MKLN1: variants seen among roughly 807,000 people sequenced by gnomAD.
MKLN1 encodes muskelin.
In MKLN1, 18 loss-of-function variants were observed where a neutral mutation model predicts 99.0. The ratio of observed to expected loss-of-function variants is 0.18; its 90% confidence interval spans 0.13 to 0.27. The LOEUF (loss-of-function observed/expected upper bound fraction) is 0.27, where lower values mean the gene tolerates loss of function less well. MKLN1 is among the 10% of genes least tolerant of loss of function. MKLN1 has a pLI of 1.00. For synonymous variants in MKLN1, 288 were observed against 293.2 expected (o/e 0.98, Z 0.18); for missense variants, 621 against 875.9 (o/e 0.71, Z 3.67).
chr7:131,453,205 A>G (rs1257029679), intron 12 of MKLN1, among the ~76,000 whole-genome samples: 1 of 152,256 alleles, frequency 6.6e-6, no homozygotes, highest in Admixed American at 6.5e-5. Flanking sequence ...AATGAGAATT[A>G]AAGTTCACAT....
intron 1 of MKLN1, among the ~76,000 whole-genome samples, chr7:131,113,875 C>G (rs1795234348): frequency 2.0e-5 from 3 of 151,928 alleles, no homozygotes; most frequent in African/African-American, 7.3e-5. Context: ...AGAGAGCTTG[C>G]GGGGGAAACT....
At chr7:131,353,941 G>A (rs184251085) in intron 1 of MKLN1, among the ~76,000 whole-genome samples, 1 of 145,998 alleles carries the variant, frequency 6.8e-6, no homozygotes, top group African/African-American at 2.5e-5. Flanking sequence ...GGGCATATAT[G>A]TGTGGGTCTT....
chr7:131,219,878 T>C (rs448337), intron 3 of MKLN1, among the ~76,000 whole-genome samples: 2 of 152,334 alleles, frequency 1.3e-5, no homozygotes, highest in East Asian at 1.9e-4. Context: ...CTTTTTTCCT[T>C]GTGTGTTTGG....
At chr7:131,308,131 C>A (rs1459892395) in intron 3 of MKLN1, among the ~76,000 whole-genome samples, 2 of 152,146 alleles carry the variant, frequency 1.3e-5, no homozygotes, top group Non-Finnish European at 2.9e-5. Context: ...TCTCCTCCTG[C>A]CTTGTGAAAA....
intron 3 of MKLN1, among the ~76,000 whole-genome samples, chr7:131,231,119 C>CAAAA (rs58048470): frequency 0.23 from 13,611 of 60,140 alleles, 2,737 homozygotes; most frequent in Non-Finnish European, 0.28. Flanking sequence ...GACTCTGTCT[C>CAAAA]AAAAAAAAAA....
At chr7:131,355,628 C>CTATA (rs58377694) in intron 1 of MKLN1, among the ~76,000 whole-genome samples, 3,313 of 136,868 alleles carry the variant, frequency 0.024, 74 homozygotes, top group African/African-American at 0.046. Flanking sequence ...TAACTTGATA[C>CTATA]TATATATATA....
intron 15 of MKLN1, among the ~76,000 whole-genome samples, chr7:131,468,846 CTG>C (rs1438160060): frequency 6.6e-6 from 1 of 152,110 alleles, no homozygotes; most frequent in African/African-American, 2.4e-5. Flanking sequence ...GGATATAGGA[CTG>C]TGGGTGTGTG....
chr7:131,164,869 C>T (rs1473709399), intron 2 of MKLN1, among the ~76,000 whole-genome samples: 2 of 152,168 alleles, frequency 1.3e-5, no homozygotes, highest in Non-Finnish European at 2.9e-5. Context: ...TTCAAGTCCA[C>T]AAACCTTTCT....
chr7:131,313,777 C>T (rs1007219477), intron 3 of MKLN1, among the ~76,000 whole-genome samples: 1 of 152,196 alleles, frequency 6.6e-6, no homozygotes, highest in African/African-American at 2.4e-5. Context: ...TCACTGAGCT[C>T]AGGGCAGAGC....
intron 16 of MKLN1, among the ~76,000 whole-genome samples, chr7:131,474,676 A>T (rs932875603): frequency 1.3e-5 from 2 of 152,256 alleles, no homozygotes; most frequent in Non-Finnish European, 2.9e-5. Flanking sequence ...AATAGGAAAC[A>T]AACAATGGAG....
chr7:131,276,959 C>T (rs947936682), intron 3 of MKLN1, among the ~76,000 whole-genome samples: 17 of 152,244 alleles, frequency 1.1e-4, no homozygotes, highest in African/African-American at 3.6e-4. Context: ...CCTCACTCCC[C>T]ACGTGGTTCA....
In MKLN1 at chr7:131,489,644, G is replaced by A. The variant is rs921279668; in HGVS notation, c.*1916G>A. ...CTAGTTTTGCTTAGTGTGAATTCTG[G>A]CACTTTAAAAAGATTAAGCAAGTGA... On this transcript the variant is annotated 3_prime_UTR_variant, in exon 18 of 18. Transcript: ENST00000352689. 87 of 152,030 alleles carry A rather than the reference G, an allele frequency of 5.7e-4. 1 individual carries two copies. Among genetic ancestry groups the A allele is most frequent in the Non-Finnish European group, 1.0e-4 (7 of 67,992 alleles). The allele number at this position is 152,030 out of a possible 1,614,324, so 9.4% of individuals were successfully genotyped here. A position where few individuals can be genotyped will look rare whatever the true frequency, so the allele number is the denominator to read the frequency against.
At chr7:131,328,229 T>A (rs1251258765) in intron 1 of MKLN1, 1 of 533,282 alleles carries the variant, frequency 1.9e-6, no homozygotes, top group Non-Finnish European at 3.3e-6. Flanking sequence ...GTGTGGCGGA[T>A]CCGGGGCGCG....
At chr7:131,440,074 T>G (rs1201622369) in intron 10 of MKLN1, among the ~76,000 whole-genome samples, 1 of 152,190 alleles carries the variant, frequency 6.6e-6, no homozygotes, top group East Asian at 1.9e-4. Context: ...GCCTAGCAGT[T>G]GTATGTCACA....
intron 3 of MKLN1, among the ~76,000 whole-genome samples, chr7:131,271,602 G>A (rs1300821782): frequency 3.5e-5 from 5 of 144,842 alleles, no homozygotes; most frequent in African/African-American, 1.3e-4. Flanking sequence ...GGGCGACAGA[G>A]TGAGACTCCG....
chr7:131,327,800 G>A, upstream of MKLN1: 6 of 1,462,618 alleles, frequency 4.1e-6, no homozygotes, highest in South Asian at 1.4e-5. Flanking sequence ...GAGCGCGGGC[G>A]GCCGGGGAGG....
At position 131,215,637 on chromosome 7, in the gene MKLN1, T is replaced by C. The variant is rs1796969562; in HGVS notation, c.-179+12663T>C. Among the ~76,000 whole-genome samples the C allele has an allele frequency of 2.6e-5, 4 of 152,352 alleles. No individual in the cohort carries two copies. The East Asian group carries it at 5.8e-4, about 22-fold the overall frequency. On this transcript the variant is annotated intron_variant, in intron 3 of 7. Transcript: ENST00000416992. ...GAGCCACTGAGCCCAGCCTGAATTG[T>C]CTTTTTAATTCTGATTTTATTTTCA...
chr7:131,358,239 G>A lies in MKLN1; in HGVS notation c.99-17185G>A, dbSNP rs146681650. On this transcript the variant is annotated intron_variant, in intron 1 of 17. Transcript: ENST00000352689. ...GCTGCCTGAATTCCTAGTTAGCTAA[G>A]ATTTTTAATCATGAATATGTGTTGG... Among the ~76,000 whole-genome samples, 91 of 152,176 alleles carry A rather than the reference G, an allele frequency of 6.0e-4. 1 individual carries two copies. The East Asian group carries it at 0.016, about 27-fold the overall frequency.
chr7:131,375,486 C>T lies in MKLN1; in HGVS notation c.161C>T (p.Pro54Leu), dbSNP rs1297118585. The change falls in exon 2 of 18, where the codon CCT becomes CTT. Residue 54 changes from proline to leucine, a missense_variant. This residue lies in a region of MKLN1 where 27 missense variants were observed against 19.7 expected (regional missense o/e 1.37). Coordinates refer to ENST00000352689, the MANE Select transcript of MKLN1 (RefSeq NM_013255.5). ...SSRWSSESNYPPQYLILKLER... is the reference protein window; with the variant it reads ...SSRWSSESNYLPQYLILKLER... ...AGATGGTCTTCAGAGAGCAACTATCCTCCCCAGGTAAGATTACATGTATCC... is the reference window on the plus strand; with the variant it reads ...AGATGGTCTTCAGAGAGCAACTATCTTCCCCAGGTAAGATTACATGTATCC... The T allele has an allele frequency of 1.9e-6, 3 of 1,603,240 alleles. No individual in the cohort carries two copies. The highest frequency in any genetic ancestry group is 1.7e-6 in the Non-Finnish European group (2 of 1,170,390).
Sources: gnomAD v4.1 joint callset for allele counts (sites outside exome capture counted in the v4.1 genomes callset) on GRCh38, gnomAD v4.1.1 for gene constraint, gnomAD v4.1.1 regional missense constraint, MANE v1.5 for transcripts, NCBI Gene and HGNC (gene_info 2026-07-23, HGNC 2026-07-21) for gene names.